NEDD4L: variants seen among roughly 807,000 people sequenced by gnomAD.
The protein encoded by NEDD4L is E3 ubiquitin-protein ligase NEDD4-like.
NEDD4L carries 54 observed loss-of-function variants against 148.9 expected under a neutral mutation model. The observed-to-expected ratio is 0.36, with a 90% CI of 0.29 to 0.45. NEDD4L has a LOEUF of 0.45. Ranked by LOEUF, NEDD4L falls within the 20% of genes least tolerant of loss-of-function variation. The pLI is 1.00. For synonymous variants in NEDD4L, 433 were observed against 440.7 expected (o/e 0.98, Z 0.22); for missense variants, 856 against 1,233.8 (o/e 0.69, Z 4.59).
rs542481243 is a variant in NEDD4L, at chr18:58,131,155, C to T, written c.49-34633C>T. Among the ~76,000 whole-genome samples the T allele has an allele frequency of 7.8e-4, 114 of 146,702 alleles. 1 individual carries two copies. In the Middle Eastern group the frequency reaches 0.023, roughly 30 times the overall value. The stretch of plus-strand genomic sequence containing the variant: ...CTGGATTTGGTTGGTTGTGATCTAG[C>T]GGAACTGTGGTAGTGTTGGCCTTTG... On this transcript the variant is annotated intron_variant, in intron 1 of 30. Coordinates refer to ENST00000400345, the MANE Select transcript of NEDD4L (RefSeq NM_001144967.3).
chr18:58,328,998 C>G lies in NEDD4L; in HGVS notation c.684C>G (p.Asp228Glu), dbSNP rs765464540. Reference protein sequence around the residue: ...TTQWHRPSLMDVSSESDNNIR... With the variant: ...TTQWHRPSLMEVSSESDNNIR... Reference sequence around the variant, plus strand: ...TCCCCCTTTCCTGCATGCTCAGGGACGTGTCCTCGGAGTCGGACAATAACA... The same window carrying G: ...TCCCCCTTTCCTGCATGCTCAGGGAGGTGTCCTCGGAGTCGGACAATAACA... The change falls in exon 10 of 31, where the codon GAC becomes GAG. Residue 228 changes from aspartate (D) to glutamate (E), a missense_variant. By Grantham distance (45) the Asp-to-Glu change is conservative. Around this residue, in one of 4 missense-constraint regions of NEDD4L, gnomAD observed 367 missense variants for 422.7 expected, o/e 0.87. Coordinates refer to ENST00000400345, the MANE Select transcript of NEDD4L (RefSeq NM_001144967.3). 1 of 1,613,978 alleles carries G rather than the reference C, an allele frequency of 6.2e-7. No individual in the cohort carries two copies. The highest frequency in any genetic ancestry group is 8.5e-7 in the Non-Finnish European group (1 of 1,179,864).
chr18:58,119,178 C>T (rs946180148), intron 1 of NEDD4L, among the ~76,000 whole-genome samples: 9 of 152,196 alleles, frequency 5.9e-5, no homozygotes, highest in Non-Finnish European at 1.5e-5. Flanking sequence ...CCCTCATGCC[C>T]CACCTTCCCT....
At chr18:58,259,594 A>G (rs1178361041) in intron 5 of NEDD4L, among the ~76,000 whole-genome samples, 2 of 152,154 alleles carry the variant, frequency 1.3e-5, no homozygotes, top group African/African-American at 4.8e-5. Context: ...CCAGTTTTCT[A>G]ATCTCATTGG....
intron 6 of NEDD4L, among the ~76,000 whole-genome samples, chr18:58,318,185 T>C (rs926576017): frequency 6.6e-6 from 1 of 152,170 alleles, no homozygotes. Context: ...GTGTTCTTGA[T>C]TAGTATATGA....
chr18:58,383,358 T>C (rs1396027136), intron 25 of NEDD4L, 39 bp downstream of exon 25: 1 of 1,114,936 alleles, frequency 9.0e-7, no homozygotes, highest in Non-Finnish European at 1.3e-6. Context: ...CTTTGAATAA[T>C]TGAAATGCAT....
chr18:58,361,389 T>A (rs8085125), intron 19 of NEDD4L, among the ~76,000 whole-genome samples: 1 of 152,058 alleles, frequency 6.6e-6, no homozygotes, highest in Non-Finnish European at 1.5e-5. Flanking sequence ...GTAAGTGATG[T>A]TCACACATGC....
At chr18:58,135,920 A>G (rs2057831076) in intron 1 of NEDD4L, among the ~76,000 whole-genome samples, 1 of 152,174 alleles carries the variant, frequency 6.6e-6, no homozygotes, top group African/African-American at 2.4e-5. Flanking sequence ...TGTTTTGCTC[A>G]TTGATGGCCA....
chr18:58,345,294 C>A (rs866976258), intron 16 of NEDD4L, among the ~76,000 whole-genome samples: 1 of 152,156 alleles, frequency 6.6e-6, no homozygotes, highest in Non-Finnish European at 1.5e-5. Flanking sequence ...ATTTTCCCTG[C>A]GGAAGACACA....
At chr18:58,143,467 T>C (rs1320645763) in intron 1 of NEDD4L, among the ~76,000 whole-genome samples, 1 of 152,246 alleles carries the variant, frequency 6.6e-6, no homozygotes, top group East Asian at 1.9e-4. Flanking sequence ...TTCTCCCTTA[T>C]CTGCCGAAAT....
chr18:58,341,863 T>C, intron 15 of NEDD4L, 66 bp downstream of exon 15: 5 of 1,553,378 alleles, frequency 3.2e-6, no homozygotes, highest in Admixed American at 1.9e-5. Flanking sequence ...TCTTCTCTCT[T>C]AACTCTGCCT....
At chr18:58,280,658 C>T (rs2148957745) in intron 5 of NEDD4L, among the ~76,000 whole-genome samples, 1 of 152,142 alleles carries the variant, frequency 6.6e-6, no homozygotes, top group South Asian at 2.1e-4. Context: ...AGATGAGGGG[C>T]AGGGAAGCAG....
At chr18:58,180,242 C>T (rs945904127) in intron 2 of NEDD4L, among the ~76,000 whole-genome samples, 4 of 152,226 alleles carry the variant, frequency 2.6e-5, no homozygotes, top group African/African-American at 9.6e-5. Context: ...GAACCACCCC[C>T]TTCTCCCTCT....
chr18:58,055,976 A>T (rs192577051), intron 1 of NEDD4L, among the ~76,000 whole-genome samples: 101 of 152,304 alleles, frequency 6.6e-4, no homozygotes, highest in Admixed American at 6.0e-3. Flanking sequence ...ATAGGTTTAG[A>T]TATCAAAGTG....
chr18:58,231,237 C>CAAAAAAAA (rs67220469), intron 2 of NEDD4L, among the ~76,000 whole-genome samples: 1 of 90,182 alleles, frequency 1.1e-5, no homozygotes, highest in Non-Finnish European at 2.3e-5. Flanking sequence ...GACCCTATCT[C>CAAAAAAAA]AAAAAAAAAA....
chr18:58,112,360 CTTTATTTATTTATTTA>C (rs199799632), intron 1 of NEDD4L, among the ~76,000 whole-genome samples: 11,735 of 143,606 alleles, frequency 0.082, 560 homozygotes, highest in Non-Finnish European at 0.1. Context: ...TCCTATTTGT[CTTTATTTATTTATTTA>C]TTTATTTATT....
intron 5 of NEDD4L, among the ~76,000 whole-genome samples, chr18:58,283,336 A>G (rs1295282538): frequency 6.6e-6 from 1 of 152,152 alleles, no homozygotes; most frequent in Non-Finnish European, 1.5e-5. Context: ...TCGGCCTCCC[A>G]AAGTGCTGGG....
At chr18:58,105,391 A>G (rs765131290) in intron 1 of NEDD4L, among the ~76,000 whole-genome samples, 5 of 152,158 alleles carry the variant, frequency 3.3e-5, no homozygotes, top group Non-Finnish European at 7.4e-5. Context: ...CCTCTCCACC[A>G]GAGACTTGGG....
At chr18:58,379,031 C>G (rs1219416462) in intron 24 of NEDD4L, among the ~76,000 whole-genome samples, 1 of 152,242 alleles carries the variant, frequency 6.6e-6, no homozygotes, top group Non-Finnish European at 1.5e-5. Flanking sequence ...CCTGCTGTGG[C>G]TGGGCATTGT....
intron 23 of NEDD4L, chr18:58,371,733 G>C (rs2046904016): frequency 6.6e-6 from 1 of 152,526 alleles, no homozygotes; most frequent in East Asian, 1.9e-4. Context: ...TGGTTTGCCA[G>C]TCATGGTGGG....
Sources: allele counts gnomAD v4.1 joint callset (sites outside exome capture counted in the v4.1 genomes callset), GRCh38; gene constraint gnomAD v4.1.1; regional missense constraint gnomAD v4.1.1; transcripts MANE v1.5; gene names NCBI Gene and HGNC (gene_info 2026-07-23, HGNC 2026-07-21).